The following TTC7A variants were observed in gnomAD, a reference collection of about 807,000 sequenced individuals.
TTC7A encodes tetratricopeptide repeat domain 7A, also known as tetratricopeptide repeat protein 7A.
In TTC7A, 110 loss-of-function variants were observed where a neutral mutation model predicts 103.7. The observed-to-expected ratio is 1.06, with a 90% CI of 0.91 to 1.24. The LOEUF (loss-of-function observed/expected upper bound fraction) is 1.24, where lower values mean the gene tolerates loss of function less well. TTC7A is among the 50% of genes most tolerant of loss of function. TTC7A has a pLI of 0.00. For synonymous variants in TTC7A, 521 were observed against 467.9 expected (o/e 1.11, Z -1.47); for missense variants, 1,340 against 1,116.3 (o/e 1.20, Z -2.86).
At chr2:46,988,604 A>AT (rs1249497413) in intron 5 of TTC7A, among the ~76,000 whole-genome samples, 1 of 152,166 alleles carries the variant, frequency 6.6e-6, no homozygotes, top group African/African-American at 2.4e-5. Context: ...TTCCCCAAAT[A>AT]TTTTTTTAAC....
intron 14 of TTC7A, among the ~76,000 whole-genome samples, chr2:47,027,196 A>T (rs983080009): frequency 2.0e-5 from 3 of 152,174 alleles, no homozygotes; most frequent in African/African-American, 4.8e-5. Context: ...GGGGGAGAGG[A>T]TTCCCTGCAT....
intron 7 of TTC7A, 133 bp downstream of exon 7, chr2:46,994,647 A>G (rs1023817186): frequency 1.1e-6 from 1 of 887,130 alleles, no homozygotes; most frequent in South Asian, 1.6e-5. Context: ...CAGCCTCCTC[A>G]GTCTCAGCAG....
rs998042740 is a variant in TTC7A at position 46,941,238 on chromosome 2, A to AGCGGCGGCG, written c.-295_-287dup. ...GGGCGGAGGCTGTGGCAGCAGCTGC[A>AGCGGCGGCG]GCGGCGGCGGCGGCGGCAGCGCCAG... On this transcript the variant is annotated 5_prime_UTR_variant, in exon 1 of 20. Coordinates refer to ENST00000319190, the MANE Select transcript of TTC7A (RefSeq NM_020458.4). This position sits in a 1 kb window ranked among gnomAD's most constrained non-coding sequence, Gnocchi z 4.2. 39 of 147,648 alleles carry AGCGGCGGCG rather than the reference A, an allele frequency of 2.6e-4. No homozygotes were observed. The South Asian group carries it at 6.8e-3, about 26-fold the overall frequency. The allele number at this position is 147,648 out of a possible 1,614,324, so 9.1% of individuals were successfully genotyped here. A position where few individuals can be genotyped will look rare whatever the true frequency, so the allele number is the denominator to read the frequency against.
At chr2:46,936,699 C>T (rs892960213), upstream of TTC7A, among the ~76,000 whole-genome samples, 9 of 152,138 alleles carry the variant, frequency 5.9e-5, no homozygotes, top group African/African-American at 1.7e-4. Flanking sequence ...ATCATCATTT[C>T]CCCAAAGATA....
At chr2:46,938,754 C>CT (rs1478028423), upstream of TTC7A, among the ~76,000 whole-genome samples, 1 of 152,128 alleles carries the variant, frequency 6.6e-6, no homozygotes, top group African/African-American at 2.4e-5. Flanking sequence ...TGGCTCATGC[C>CT]TGTAATCCCA....
chr2:46,917,890 A>C lies in TTC7A; in HGVS notation c.82+613A>C, dbSNP rs6729621. ...TCTGGGTCCTTCTGCTACCTCACTCATTATCCTTTCTTGGGCTTCTTAATT... is the reference window on the plus strand; with the variant it reads ...TCTGGGTCCTTCTGCTACCTCACTCCTTATCCTTTCTTGGGCTTCTTAATT... On this transcript the variant is annotated intron_variant, in intron 2 of 20. Coordinates refer to the TTC7A transcript ENST00000409245. 2.6e-5 allele frequency among the ~76,000 whole-genome samples: 4 copies of C among 152,066 alleles called. No homozygotes were observed. In the East Asian group the frequency reaches 5.8e-4, roughly 22 times the overall value.
intron 5 of TTC7A, among the ~76,000 whole-genome samples, chr2:46,990,423 G>C (rs6739148): frequency 0.11 from 16,009 of 152,172 alleles, 984 homozygotes; most frequent in Admixed American, 0.14. Flanking sequence ...TCTGTCCTCT[G>C]TGGGGCAGAG....
intron 3 of TTC7A, among the ~76,000 whole-genome samples, chr2:46,959,329 A>G (rs1404368021): frequency 6.6e-6 from 1 of 152,150 alleles, no homozygotes; most frequent in Non-Finnish European, 1.5e-5. Flanking sequence ...TGACTGACCC[A>G]CACTCAGCAC....
At chr2:47,024,455 C>G in intron 14 of TTC7A, 96 bp downstream of exon 14, 1 of 1,119,040 alleles carries the variant, frequency 8.9e-7, no homozygotes, top group African/African-American at 1.6e-5. Context: ...CTGCAAGTGA[C>G]TTTGCCTCCC....
intron 8 of TTC7A, among the ~76,000 whole-genome samples, chr2:47,003,004 G>A (rs1355519172): frequency 1.3e-5 from 2 of 152,136 alleles, no homozygotes; most frequent in Non-Finnish European, 2.9e-5. Flanking sequence ...TGCCGCTGCT[G>A]CTAGTATGCT....
chr2:46,948,778 C>G (rs1017935115), intron 1 of TTC7A, among the ~76,000 whole-genome samples: 7 of 152,150 alleles, frequency 4.6e-5, no homozygotes, highest in Admixed American at 3.9e-4. Context: ...CAGTTTTGGA[C>G]TAGTGGCTAT....
intron 18 of TTC7A, among the ~76,000 whole-genome samples, chr2:47,059,876 G>T (rs1683626177): frequency 6.6e-6 from 1 of 152,288 alleles, no homozygotes; most frequent in East Asian, 1.9e-4. Flanking sequence ...AAGTACTTGT[G>T]CAAGGTGCGG....
intron 14 of TTC7A, among the ~76,000 whole-genome samples, chr2:47,028,762 C>G (rs1201063861): frequency 6.6e-6 from 1 of 152,160 alleles, no homozygotes; most frequent in Admixed American, 6.5e-5. Context: ...CCCACTGTGC[C>G]CACATTAGAG....
Position 47,011,450 on chromosome 2 carries a change from A to G in TTC7A, c.1392+15A>G, listed in dbSNP as rs780807248. Reference sequence around the variant, plus strand: ...CCCTTCGCTGGGTGAGTGAGCTGTGAGGGCAGGTCCCAGAGGCCTCCTGTG... The same window carrying G: ...CCCTTCGCTGGGTGAGTGAGCTGTGGGGGCAGGTCCCAGAGGCCTCCTGTG... On this transcript the variant is annotated intron_variant, in intron 11 of 19. Transcript: ENST00000319190. The G allele has an allele frequency of 6.3e-7, 1 of 1,596,656 alleles. No individual in the cohort carries two copies. Among genetic ancestry groups the G allele is most frequent in the Non-Finnish European group, 8.5e-7 (1 of 1,175,608 alleles).
chr2:46,955,224 A>T (rs773444341), intron 2 of TTC7A, among the ~76,000 whole-genome samples: 7 of 151,398 alleles, frequency 4.6e-5, no homozygotes, highest in Non-Finnish European at 1.0e-4. Flanking sequence ...ACGCAGCCCG[A>T]GCAGGGAGGA....
At chr2:46,929,504 G>T (rs147863168) in intron 2 of TTC7A, among the ~76,000 whole-genome samples, 9 of 152,110 alleles carry the variant, frequency 5.9e-5, no homozygotes, top group East Asian at 3.9e-4. Flanking sequence ...AATAAATAAA[G>T]AAATAAATAG....
intron 16 of TTC7A, among the ~76,000 whole-genome samples, chr2:47,049,252 C>G (rs1682623137): frequency 1.3e-5 from 2 of 152,170 alleles, no homozygotes; most frequent in Non-Finnish European, 2.9e-5. Context: ...AATGTGCTGG[C>G]TGGGGCTGCT....
chr2:47,074,126 A>G lies in TTC7A; in HGVS notation c.*203A>G, dbSNP rs1256967022. 3 of 595,244 alleles carry G rather than the reference A, an allele frequency of 5.0e-6. No individual in the cohort carries two copies. In the East Asian group the frequency reaches 8.4e-5, roughly 17 times the overall value. 36.9% of individuals were successfully genotyped at this position (595,244 alleles called of 1,614,324 possible). ...TTTCTTTGTTGGTGCCTTGGGAAACAGTCTGACTTGAACCCTAAGTGCCTT... is the reference window on the plus strand; with the variant it reads ...TTTCTTTGTTGGTGCCTTGGGAAACGGTCTGACTTGAACCCTAAGTGCCTT... On this transcript the variant is annotated 3_prime_UTR_variant, in exon 20 of 20. Coordinates refer to ENST00000319190, the MANE Select transcript of TTC7A (RefSeq NM_020458.4).
intron 4 of TTC7A, among the ~76,000 whole-genome samples, chr2:46,976,678 G>C (rs577140978): frequency 6.1e-4 from 93 of 152,304 alleles, no homozygotes; most frequent in African/African-American, 2.1e-3. Flanking sequence ...GGTGAGGGCG[G>C]GGGGCTGCCG....
Sources: gnomAD v4.1 joint callset for allele counts (sites outside exome capture counted in the v4.1 genomes callset) on GRCh38, gnomAD v4.1.1 for gene constraint, Gnocchi (gnomAD v3.1) non-coding constraint, MANE v1.5 for transcripts, NCBI Gene and HGNC (gene_info 2026-07-23, HGNC 2026-07-21) for gene names.